The following TRAPPC9 variants were observed in gnomAD, a reference collection of about 807,000 sequenced individuals.
The protein encoded by TRAPPC9 is IKK2 binding protein.
TRAPPC9 carries 83 observed loss-of-function variants against 124.0 expected under a neutral mutation model. The ratio of observed to expected loss-of-function variants is 0.67; its 90% CI spans 0.56 to 0.80. The LOEUF (loss-of-function observed/expected upper bound fraction) is 0.80, where lower values mean the gene tolerates loss of function less well. Ranked by LOEUF, TRAPPC9 falls within the 30% of genes least tolerant of loss-of-function variation. TRAPPC9 has a pLI of 0.00. For missense variants in TRAPPC9, 1,302 were observed against 1,508.3 expected (o/e 0.86, Z 2.27); for synonymous variants, 638 against 617.5 (o/e 1.03, Z -0.49).
At chr8:140,297,633 G>C (rs1173230540) in intron 11 of TRAPPC9, among the ~76,000 whole-genome samples, 3 of 152,228 alleles carry the variant, frequency 2.0e-5, no homozygotes, top group Non-Finnish European at 2.9e-5. Context: ...CGGCTCCTCA[G>C]ATGGAGGCTG....
intron 7 of TRAPPC9, among the ~76,000 whole-genome samples, chr8:140,374,489 G>A (rs1248490464): frequency 6.6e-6 from 1 of 152,004 alleles, no homozygotes; most frequent in Non-Finnish European, 1.5e-5. Context: ...AGAATTGCTT[G>A]AACCCAGGAG....
At chr8:139,798,985 A>G (rs1458889573) in intron 21 of TRAPPC9, among the ~76,000 whole-genome samples, 2 of 152,044 alleles carry the variant, frequency 1.3e-5, no homozygotes, top group African/African-American at 2.4e-5. Flanking sequence ...CATCACTCCA[A>G]TCGTGGCCTC....
rs191824397 is a variant in TRAPPC9, at chr8:140,137,886, T to A, written c.2556+83573A>T. Among the ~76,000 whole-genome samples, 285 of 152,360 alleles carry A rather than the reference T, an allele frequency of 1.9e-3. 1 individual carries two copies. The highest frequency in any genetic ancestry group is 6.5e-3 in the African/African-American group (270 of 41,582). ...TAATTTTTCAATAAGTAAAACCAAA[T>A]CCAGGTATGTTTGATTCTGAAATTT... On this transcript the variant is annotated intron_variant, in intron 17 of 22. Transcript: ENST00000438773.
At chr8:140,287,427 C>T (rs2065519424) in intron 13 of TRAPPC9, among the ~76,000 whole-genome samples, 181 bp downstream of exon 13, 1 of 152,110 alleles carries the variant, frequency 6.6e-6, no homozygotes, top group African/African-American at 2.4e-5. Context: ...ACCCCTCCCA[C>T]CACCACACAT....
At chr8:139,887,938 G>A (rs1193346616) in intron 20 of TRAPPC9, among the ~76,000 whole-genome samples, 2 of 152,214 alleles carry the variant, frequency 1.3e-5, no homozygotes, top group African/African-American at 2.4e-5. Context: ...AGCACAGCCC[G>A]TAGCCCCTCC....
chr8:140,146,474 G>A (rs2061464131), intron 17 of TRAPPC9, among the ~76,000 whole-genome samples: 1 of 152,180 alleles, frequency 6.6e-6, no homozygotes, highest in South Asian at 2.1e-4. Context: ...CTGGGTGTGG[G>A]GAGGGTGGTA....
At chr8:139,827,839 G>A (rs1469612184) in intron 21 of TRAPPC9, among the ~76,000 whole-genome samples, 3 of 152,198 alleles carry the variant, frequency 2.0e-5, no homozygotes, top group Non-Finnish European at 2.9e-5. Flanking sequence ...CATCTGCTCA[G>A]CTTCTGGGGA....
intron 21 of TRAPPC9, among the ~76,000 whole-genome samples, chr8:139,795,707 A>G (rs62528704): frequency 1.3e-5 from 2 of 152,250 alleles, no homozygotes; most frequent in Admixed American, 1.3e-4. Flanking sequence ...GTACGCAATT[A>G]AAGTGTTGGG....
rs1443911057 is a variant in TRAPPC9, at chr8:139,728,371, C to T, written c.*2690G>A. On this transcript the variant is annotated 3_prime_UTR_variant, in exon 23 of 23. Transcript: ENST00000438773. Reference sequence around the variant, plus strand: ...CATGATCTGTTCCTGGCTTACCCTCCGCTGGCCTTCAGGAGGTTTCTGAAT... The same window carrying T: ...CATGATCTGTTCCTGGCTTACCCTCTGCTGGCCTTCAGGAGGTTTCTGAAT... Among the ~76,000 whole-genome samples the T allele has an allele frequency of 6.6e-6, 1 of 152,216 alleles. No homozygotes were observed. The highest frequency in any genetic ancestry group is 1.5e-5 in the Non-Finnish European group (1 of 68,040).
intron 17 of TRAPPC9, among the ~76,000 whole-genome samples, chr8:140,031,854 A>T (rs1840515649): frequency 6.6e-6 from 1 of 152,174 alleles, no homozygotes; most frequent in Non-Finnish European, 1.5e-5. Flanking sequence ...GTGGTGGCTG[A>T]GAAGAGTTAG....
At chr8:139,818,367 G>A (rs1825006334) in intron 21 of TRAPPC9, among the ~76,000 whole-genome samples, 1 of 152,168 alleles carries the variant, frequency 6.6e-6, no homozygotes, top group African/African-American at 2.4e-5. Flanking sequence ...CTTGAAGTCA[G>A]GAGTTTGAGA....
chr8:140,059,174 C>G (rs1170204515), intron 17 of TRAPPC9, among the ~76,000 whole-genome samples: 1 of 152,216 alleles, frequency 6.6e-6, no homozygotes, highest in Non-Finnish European at 1.5e-5. Flanking sequence ...TCTGCTTTCT[C>G]TCTAGATCTA....
chr8:139,743,068 G>T (rs1020323368), intron 21 of TRAPPC9, among the ~76,000 whole-genome samples: 25 of 152,180 alleles, frequency 1.6e-4, no homozygotes, highest in African/African-American at 5.1e-4. Flanking sequence ...AGGTGGTGGG[G>T]TGAGGCTACC....
intron 7 of TRAPPC9, among the ~76,000 whole-genome samples, chr8:140,388,019 T>C (rs1002335619): frequency 6.6e-6 from 1 of 151,984 alleles, no homozygotes; most frequent in Non-Finnish European, 1.5e-5. Flanking sequence ...GTAGCACATG[T>C]ACACCATGGA....
chr8:139,791,632 C>T lies in TRAPPC9; in HGVS notation c.3056-59430G>A, dbSNP rs1367085462. Among the ~76,000 whole-genome samples, 8 of 152,200 alleles carry T rather than the reference C, an allele frequency of 5.3e-5. No homozygotes were observed. In the South Asian group the frequency reaches 6.2e-4, roughly 12 times the overall value. ...CCCGTCTCCCCTGCACTGCTTTGCC[C>T]GTAAGCCCAGGCGCTGGGCTCTGGT... On this transcript the variant is annotated intron_variant, in intron 21 of 22. Transcript: ENST00000438773.
At chr8:140,034,316 T>C (rs1357397582) in intron 17 of TRAPPC9, among the ~76,000 whole-genome samples, 1 of 152,228 alleles carries the variant, frequency 6.6e-6, no homozygotes, top group African/African-American at 2.4e-5. Context: ...CTTCATAACC[T>C]GGCTTTACAA....
At chr8:140,360,766 C>T (rs1051425256) in intron 8 of TRAPPC9, among the ~76,000 whole-genome samples, 1 of 152,150 alleles carries the variant, frequency 6.6e-6, no homozygotes, top group Admixed American at 6.5e-5. Context: ...TGAGGTCTTT[C>T]TCTGTCATCC....
At chr8:139,828,974 G>T (rs1244635723) in intron 21 of TRAPPC9, among the ~76,000 whole-genome samples, 1 of 152,180 alleles carries the variant, frequency 6.6e-6, no homozygotes, top group Non-Finnish European at 1.5e-5. Flanking sequence ...ACTTAGAAAA[G>T]AAATTCTTCT....
At chr8:139,799,454 T>C (rs907568373) in intron 21 of TRAPPC9, among the ~76,000 whole-genome samples, 24 of 152,194 alleles carry the variant, frequency 1.6e-4, no homozygotes, top group African/African-American at 5.5e-4. Context: ...TGTAGACACA[T>C]GGCATCCCCA....
Sources: gnomAD v4.1 joint callset for allele counts (sites outside exome capture counted in the v4.1 genomes callset) on GRCh38, gnomAD v4.1.1 for gene constraint, MANE v1.5 for transcripts, NCBI Gene and HGNC (gene_info 2026-07-23, HGNC 2026-07-21) for gene names.